The following HPS4 variants were observed in gnomAD, a reference collection of about 807,000 sequenced individuals.
The protein encoded by HPS4 is BLOC-3 complex member HPS4.
A neutral mutation model predicts 70.3 loss-of-function variants in HPS4; 44 were observed. That is an observed-to-expected ratio of 0.63 (90% CI 0.49 to 0.80). HPS4 has a LOEUF of 0.80. Ranked by LOEUF, HPS4 falls within the 30% of genes least tolerant of loss-of-function variation. The pLI, the probability that HPS4 is intolerant of heterozygous loss-of-function variation, is 0.00. For synonymous variants in HPS4, 377 were observed against 355.9 expected (o/e 1.06, Z -0.67); for missense variants, 873 against 884.4 (o/e 0.99, Z 0.16).
chr22:26,465,582 T>C (rs2088394752), intron 9 of HPS4, 31 bp from the exon 10 acceptor site: 1 of 1,562,382 alleles, frequency 6.4e-7, no homozygotes, highest in Non-Finnish European at 8.8e-7. Flanking sequence ...GAACAGGACT[T>C]TCCCCTGAGC....
intron 13 of HPS4, among the ~76,000 whole-genome samples, chr22:26,454,616 A>G (rs2085763089): frequency 3.9e-5 from 6 of 152,180 alleles, no homozygotes. Context: ...TAGACCTAAA[A>G]CCATAAAAAC....
chr22:26,476,930 A>G, intron 4 of HPS4, 63 bp downstream of exon 4: 1 of 1,573,674 alleles, frequency 6.4e-7, no homozygotes, highest in South Asian at 1.1e-5. Flanking sequence ...AGACTCAGAA[A>G]CAACATAACT....
At chr22:26,443,436 T>C, downstream of HPS4, 1 of 482,446 alleles carries the variant, frequency 2.1e-6, no homozygotes, top group Non-Finnish European at 3.7e-6. Context: ...TCCAATCATT[T>C]GCTTCAGAGA....
intron 4 of HPS4, among the ~76,000 whole-genome samples, chr22:26,475,113 A>C (rs577790244): frequency 1.5e-4 from 23 of 152,330 alleles, no homozygotes; most frequent in Admixed American, 7.8e-4. Context: ...GTGTTCACCA[A>C]AATACTTGTA....
At position 26,482,046 on chromosome 22, in the gene HPS4, C is replaced by G; in HGVS notation, c.-284G>C. ...CCTAGCAGAAAAGTCAAATCCATTC[C>G]TCTGGTTTCCTAAGTATCACTGTGG... On this transcript the variant is annotated 5_prime_UTR_variant, in exon 2 of 14. Coordinates refer to ENST00000398145, the MANE Select transcript of HPS4 (RefSeq NM_022081.6). 2.2e-6 allele frequency: 1 copy of G among 445,982 alleles called. No individual in the cohort carries two copies. Among genetic ancestry groups the G allele is most frequent in the Non-Finnish European group, 4.2e-6 (1 of 240,690 alleles). The allele number at this position is 445,982 out of a possible 1,614,324, so 27.6% of individuals were successfully genotyped here. A position where few individuals can be genotyped will look rare whatever the true frequency, so the allele number is the denominator to read the frequency against.
In HPS4 at chr22:26,464,571, G is replaced by A. The variant is rs1054656108; in HGVS notation, c.1059C>T (p.Ser353=). The A allele has an allele frequency of 6.2e-6, 10 of 1,614,106 alleles. No individual in the cohort carries two copies. The African/African-American group carries it at 9.3e-5, about 15-fold the overall frequency. ...NSARGEVLGL[S]SSLGKELVFL... ...AGACTAGTTCCTTCCCCAGGGAGGA[G>A]CTGAGGCCAAGAACCTCACCCCTGG... Residue 353 remains serine, a synonymous_variant, in exon 11 of 14, where the codon AGC becomes AGT. Transcript: ENST00000398145.
At position 26,451,557 on chromosome 22, in the gene HPS4, CG is replaced by C. The variant is rs1334087585; in HGVS notation, c.*1675del. 1.2e-4 allele frequency: 18 copies of C among 152,298 alleles called. No homozygotes were observed. Among genetic ancestry groups the C allele is most frequent in the African/African-American group, 3.9e-4 (16 of 41,538 alleles). 9.4% of individuals were successfully genotyped at this position (152,298 alleles called of 1,614,324 possible). On this transcript the variant is annotated 3_prime_UTR_variant, in exon 14 of 14. Coordinates refer to ENST00000398145, the MANE Select transcript of HPS4 (RefSeq NM_022081.6). ...TCCATATACACGGATAGGCTTTGTACGGTTCCATTTTGGGTCAGTGGAAGAA... is the reference window on the plus strand; with the variant it reads ...TCCATATACACGGATAGGCTTTGTACGTTCCATTTTGGGTCAGTGGAAGAA...
chr22:26,472,988 C>T (rs5761550), intron 4 of HPS4, 49 bp from the exon 5 acceptor site: 2 of 1,542,210 alleles, frequency 1.3e-6, no homozygotes, highest in Admixed American at 3.3e-5. Flanking sequence ...CTCTTTGAGT[C>T]CAAGCCCAGA....
At position 26,472,344 on chromosome 22, in the gene HPS4, C is replaced by T. The variant is rs766805523; in HGVS notation, c.459G>A (p.Leu153=). Reference sequence around the variant, plus strand: ...TCCAGAGGGAATTGAAAATCTTATGCAGATCACTGGTGTTTTTCAGAATTT... The same window carrying T: ...TCCAGAGGGAATTGAAAATCTTATGTAGATCACTGGTGTTTTTCAGAATTT... ...IEQILKNTSD[L]HKIFNSLWNL... The change falls in exon 6 of 14, where the codon CTG becomes CTA. Residue 153 remains leucine, a synonymous_variant. Transcript: ENST00000398145. The T allele has an allele frequency of 1.9e-6, 3 of 1,613,312 alleles. No individual in the cohort carries two copies. Among genetic ancestry groups the T allele is most frequent in the Non-Finnish European group, 2.5e-6 (3 of 1,179,342 alleles).
chr22:26,476,519 A>T (rs2090567833), intron 4 of HPS4: 2 of 164,718 alleles, frequency 1.2e-5, no homozygotes, highest in African/African-American at 4.8e-5. Flanking sequence ...GTTAATTTTT[A>T]AATTTTTTAT....
At chr22:26,456,668 T>C (rs1490021114) in intron 13 of HPS4, among the ~76,000 whole-genome samples, 1 of 151,032 alleles carries the variant, frequency 6.6e-6, no homozygotes, top group African/African-American at 2.4e-5. Context: ...AATAAATAAA[T>C]AAAAAATAAT....
At position 26,451,233 on chromosome 22, in the gene HPS4, A is replaced by G. The variant is rs1344493312; in HGVS notation, c.*2000T>C. On this transcript the variant is annotated 3_prime_UTR_variant, in exon 14 of 14. Coordinates refer to ENST00000398145, the MANE Select transcript of HPS4 (RefSeq NM_022081.6). ...GCTTGGCCCGTACTCTGGGGGCGCT[A>G]ATTTTGAGGGGATGGGCCTGGGGCT... 6.6e-6 allele frequency among the ~76,000 whole-genome samples: 1 copy of G among 152,120 alleles called. No homozygotes were observed. Among genetic ancestry groups the G allele is most frequent in the Non-Finnish European group, 1.5e-5 (1 of 68,006 alleles).
intron 4 of HPS4, chr22:26,475,353 T>TC (rs2090395728): frequency 6.8e-6 from 1 of 148,086 alleles, no homozygotes; most frequent in African/African-American, 2.5e-5. Flanking sequence ...ATTTCTTTTT[T>TC]TTTTTTTTTT....
chr22:26,453,759 C>G (rs1438861473), intron 13 of HPS4: 1 of 356,196 alleles, frequency 2.8e-6, no homozygotes, highest in Non-Finnish European at 5.5e-6. Flanking sequence ...TCTGCTTTGC[C>G]CCTCACATAA....
Position 26,452,067 on chromosome 22 carries a change from C to CA in HPS4, c.*1165dup, listed in dbSNP as rs1485430700. On this transcript the variant is annotated 3_prime_UTR_variant, in exon 14 of 14. Transcript: ENST00000398145. ...ACTGTCTTAACCCTTACCTTTGTCA[C>CA]AAAAAAATGCTGCCATTTAATTACT... 3 of 341,790 alleles carry CA rather than the reference C, an allele frequency of 8.8e-6. No individual in the cohort carries two copies. The highest frequency in any genetic ancestry group is 2.3e-5 in the South Asian group (1 of 43,738). The allele number at this position is 341,790 out of a possible 1,614,324, so 21.2% of individuals were successfully genotyped here.
At chr22:26,453,757 G>C (rs2085595525) in intron 13 of HPS4, 1 of 357,570 alleles carries the variant, frequency 2.8e-6, no homozygotes. Context: ...TCTCTGCTTT[G>C]CCCCTCACAT....
At chr22:26,469,478 G>C (rs1413343238) in intron 7 of HPS4, among the ~76,000 whole-genome samples, 1 of 151,604 alleles carries the variant, frequency 6.6e-6, no homozygotes, top group Non-Finnish European at 1.5e-5. Context: ...GGTGAAGAAA[G>C]AAGGGGGGCT....
intron 6 of HPS4, chr22:26,471,085 C>T (rs2089727915): frequency 5.4e-6 from 3 of 552,800 alleles, no homozygotes; most frequent in Non-Finnish European, 9.8e-6. Context: ...TATGGCTATT[C>T]AAAGGGGTCA....
Position 26,481,064 on chromosome 22 carries a change from T to C in HPS4, c.41+658A>G, listed in dbSNP as rs568927261. Among the ~76,000 whole-genome samples the C allele has an allele frequency of 5.3e-5, 8 of 152,188 alleles. No homozygotes were observed. The South Asian group carries it at 1.7e-3, about 32-fold the overall frequency. On this transcript the variant is annotated intron_variant, in intron 2 of 13. Coordinates refer to ENST00000398145, the MANE Select transcript of HPS4 (RefSeq NM_022081.6). ...AAAGTTTCAAAGCCAACTCAGAAAC[T>C]CCATGTGCACCCCATCCTCCCCTGT...
Sources: gnomAD v4.1 joint callset for allele counts (sites outside exome capture counted in the v4.1 genomes callset) on GRCh38, gnomAD v4.1.1 for gene constraint, MANE v1.5 for transcripts, NCBI Gene and HGNC (gene_info 2026-07-23, HGNC 2026-07-21) for gene names.